The following CLVS1 variants were observed in gnomAD, a reference collection of about 807,000 sequenced individuals.
The protein encoded by CLVS1 is clavesin 1.
Under a neutral mutation model 33.1 loss-of-function variants are expected in CLVS1, and 10 were observed. The observed-to-expected ratio is 0.30, with a 90% confidence interval of 0.19 to 0.51. The LOEUF is 0.51. CLVS1 is among the 20% of genes least tolerant of loss of function. The pLI, the probability that CLVS1 is intolerant of heterozygous loss-of-function variation, is 0.97. For synonymous variants in CLVS1, 163 were observed against 166.1 expected, an observed-to-expected ratio of 0.98 and a Z score of 0.14; for missense variants, 343 against 433.4, an observed-to-expected ratio of 0.79 and a Z score of 1.85.
intron 3 of CLVS1, among the ~76,000 whole-genome samples, chr8:61,380,863 T>C (rs1813848076): frequency 1.3e-5 from 2 of 152,152 alleles, no homozygotes; most frequent in Non-Finnish European, 2.9e-5. Flanking sequence ...CAATGTACTG[T>C]GTTTATCAAT....
the CLVS1 span, among the ~76,000 whole-genome samples, chr8:61,041,092 C>T: frequency 2.6e-5 from 4 of 151,970 alleles, no homozygotes; most frequent in Non-Finnish European, 5.9e-5. Context: ...AATATGGAGT[C>T]CTTTTCTTAT....
intron 1 of CLVS1, among the ~76,000 whole-genome samples, chr8:61,067,219 TTA>T (rs200830391): frequency 0.038 from 5,736 of 152,242 alleles, 161 homozygotes; most frequent in South Asian, 0.14. Flanking sequence ...TCTTTTTGTA[TTA>T]ATTATCAGAC....
the CLVS1 span, among the ~76,000 whole-genome samples, chr8:61,004,003 G>T: frequency 6.6e-6 from 1 of 152,210 alleles, no homozygotes; most frequent in South Asian, 2.1e-4. Flanking sequence ...CATTTGAGCA[G>T]GGATCTGAAT....
rs770693777 is a variant in CLVS1, at chr8:61,299,966, G to A, written c.139G>A (p.Asp47Asn). Residue 47 changes from aspartate to asparagine, a missense_variant, in exon 2 of 6, where the codon GAT becomes AAT. Asp to Asn is a conservative substitution (Grantham distance 23). Transcript: ENST00000325897. ...TCGCCTGGAACTGAATGAAAACCCC[G>A]ATGTTTTACATCAGGATATTCAGCA... ...KARLELNENP[D>N]VLHQDIQQVR... is the part of the protein sequence containing the mutation. The A allele has an allele frequency of 6.8e-6, 11 of 1,613,876 alleles. No individual in the cohort carries two copies. Among genetic ancestry groups the A allele is most frequent in the East Asian group, 4.5e-5 (2 of 44,896 alleles).
chr8:61,399,212 T>C (rs1814652420), intron 3 of CLVS1, among the ~76,000 whole-genome samples: 1 of 152,238 alleles, frequency 6.6e-6, no homozygotes, highest in Non-Finnish European at 1.5e-5. Context: ...CGCCAGCTTC[T>C]GTCGTTTCTT....
At chr8:61,433,179 C>A (rs985134013) in intron 3 of CLVS1, among the ~76,000 whole-genome samples, 1 of 152,230 alleles carries the variant, frequency 6.6e-6, no homozygotes, top group East Asian at 1.9e-4. Flanking sequence ...GTCTCAAACT[C>A]CTGGGTCCAA....
intron 2 of CLVS1, among the ~76,000 whole-genome samples, chr8:61,197,440 T>C (rs965904646): frequency 1.3e-5 from 2 of 152,186 alleles, no homozygotes; most frequent in Non-Finnish European, 2.9e-5. Flanking sequence ...GCTGTTTTGA[T>C]TACTGTATAC....
chr8:61,303,043 C>G (rs1164112745), intron 2 of CLVS1, among the ~76,000 whole-genome samples: 1 of 152,168 alleles, frequency 6.6e-6, no homozygotes, highest in Non-Finnish European at 1.5e-5. Context: ...CTGAGGATTG[C>G]AACTCAACAT....
intron 1 of CLVS1, among the ~76,000 whole-genome samples, chr8:61,076,222 AG>A (rs1328494695): frequency 6.6e-6 from 1 of 152,008 alleles, no homozygotes; most frequent in Non-Finnish European, 1.5e-5. Flanking sequence ...CCCTTTTAAA[AG>A]AACCATTTTG....
chr8:61,368,508 G>T (rs1474613380), intron 2 of CLVS1, among the ~76,000 whole-genome samples: 2 of 152,166 alleles, frequency 1.3e-5, no homozygotes, highest in African/African-American at 4.8e-5. Context: ...TTTGTCCTCA[G>T]TAGCATTGGT....
At chr8:61,212,317 C>T (rs1359744139) in intron 2 of CLVS1, among the ~76,000 whole-genome samples, 1 of 152,138 alleles carries the variant, frequency 6.6e-6, no homozygotes, top group Non-Finnish European at 1.5e-5. Flanking sequence ...CAGAGGTAGG[C>T]AGTGAGGTGG....
At chr8:61,101,566 G>A (rs1444080124) in intron 1 of CLVS1, among the ~76,000 whole-genome samples, 1 of 152,046 alleles carries the variant, frequency 6.6e-6, no homozygotes, top group African/African-American at 2.4e-5. Context: ...CATTCTGTGG[G>A]TTGTCTTTTC....
At chr8:61,159,896 T>G (rs959745933) in intron 2 of CLVS1, among the ~76,000 whole-genome samples, 1 of 152,154 alleles carries the variant, frequency 6.6e-6, no homozygotes, top group African/African-American at 2.4e-5. Context: ...GAATTCAGAG[T>G]GGTTAGAATC....
chr8:61,424,618 T>G (rs1172015221), intron 3 of CLVS1, among the ~76,000 whole-genome samples: 1 of 152,218 alleles, frequency 6.6e-6, no homozygotes, highest in Non-Finnish European at 1.5e-5. Flanking sequence ...GTGCTTTAGT[T>G]CTTTTTTTCT....
At chr8:61,358,965 GTAT>G (rs1413750907) in intron 2 of CLVS1, among the ~76,000 whole-genome samples, 1 of 152,060 alleles carries the variant, frequency 6.6e-6, no homozygotes, top group Non-Finnish European at 1.5e-5. Context: ...TTGAAAATTT[GTAT>G]TATTATAATT....
Position 61,299,996 on chromosome 8 carries a change from AG to A in CLVS1, c.172del (p.Asp58ThrfsTer2). On this transcript the variant is annotated frameshift_variant, in exon 2 of 6. Coordinates refer to ENST00000325897, the MANE Select transcript of CLVS1 (RefSeq NM_173519.3). LOFTEE classifies it high-confidence loss of function. ...DVLHQDIQQV[R>X]DMIITRPDIG... ...TTTACATCAGGATATTCAGCAAGTC[AG>A]GGACATGATCATCACCAGGCCTGAC... 1.2e-6 allele frequency: 2 copies of A among 1,614,104 alleles called. No individual in the cohort carries two copies. Among genetic ancestry groups the A allele is most frequent in the Non-Finnish European group, 1.7e-6 (2 of 1,179,972 alleles).
intron 1 of CLVS1, among the ~76,000 whole-genome samples, chr8:61,125,149 CT>C (rs1441240251): frequency 6.6e-6 from 1 of 152,140 alleles, no homozygotes; most frequent in African/African-American, 2.4e-5. Flanking sequence ...CAAGGATACA[CT>C]CAAAATGACA....
At chr8:61,382,348 G>A (rs140328392) in intron 3 of CLVS1, among the ~76,000 whole-genome samples, 186 of 152,240 alleles carry the variant, frequency 1.2e-3, no homozygotes, top group Non-Finnish European at 2.0e-3. Flanking sequence ...TAAAATATGG[G>A]TCAGCTAGTC....
At chr8:60,968,610 C>A in the CLVS1 span, among the ~76,000 whole-genome samples, 6 of 151,840 alleles carry the variant, frequency 4.0e-5, no homozygotes, top group Non-Finnish European at 8.8e-5. Flanking sequence ...AAAACTGGGG[C>A]TGGTATGGTG....
Sources: allele counts gnomAD v4.1 joint callset (sites outside exome capture counted in the v4.1 genomes callset), GRCh38; gene constraint gnomAD v4.1.1; transcripts MANE v1.5; gene names NCBI Gene and HGNC (gene_info 2026-07-23, HGNC 2026-07-21).